The following FGF14 variants were observed in gnomAD, a reference collection of about 807,000 sequenced individuals.
The protein encoded by FGF14 is fibroblast growth factor homologous factor 4.
FGF14 carries 5 observed loss-of-function variants against 25.5 expected under a neutral mutation model. The observed-to-expected ratio is 0.20, with a 90% CI of 0.10 to 0.41. FGF14 has a LOEUF of 0.41. Ranked by LOEUF, FGF14 falls within the 10% of genes least tolerant of loss-of-function variation. The pLI, the probability that FGF14 is intolerant of heterozygous loss-of-function variation, is 1.00. For synonymous variants in FGF14, 138 were observed against 118.3 expected (o/e 1.17, Z -1.08); for missense variants, 222 against 320.1 (o/e 0.69, Z 2.34).
At chr13:101,743,691 A>G (rs1431094289) in intron 3 of FGF14, among the ~76,000 whole-genome samples, 3 of 152,186 alleles carry the variant, frequency 2.0e-5, no homozygotes, top group East Asian at 3.9e-4. Context: ...TGCTCTGTCT[A>G]TATTTAAGTT....
intron 3 of FGF14, among the ~76,000 whole-genome samples, chr13:101,749,744 G>A (rs9513942): frequency 0.51 from 76,710 of 151,752 alleles, 20,233 homozygotes; most frequent in Non-Finnish European, 0.58. Context: ...TTCTTCACAT[G>A]GACTTTGAAA....
chr13:102,369,571 C>G (rs1054724847), intron 1 of FGF14, among the ~76,000 whole-genome samples: 3 of 152,146 alleles, frequency 2.0e-5, no homozygotes, highest in Non-Finnish European at 4.4e-5. Context: ...CACTTTCTCC[C>G]TACCCTAAGG....
At position 102,161,617 on chromosome 13, in the gene FGF14, A is replaced by G. The variant is rs1346209614; in HGVS notation, c.208+239854T>C. On this transcript the variant is annotated intron_variant, in intron 1 of 4. Transcript: ENST00000376131. ...GAAGAAGAAGAAGAAGAAGAAGAAG[A>G]AGAAGAAGAAGAAGAAGAAGAAGAA... Among the ~76,000 whole-genome samples, 60 of 6,798 alleles carry G rather than the reference A, an allele frequency of 8.8e-3. 1 individual carries two copies. Among genetic ancestry groups the G allele is most frequent in the South Asian group, 0.022 (3 of 134 alleles). The allele number at this position is 6,798 out of a possible 152,430, so 4.5% of individuals were successfully genotyped here. A position where few individuals can be genotyped will look rare whatever the true frequency, so the allele number is the denominator to read the frequency against.
chr13:102,340,619 T>C (rs878863063), intron 1 of FGF14, among the ~76,000 whole-genome samples: 1 of 152,220 alleles, frequency 6.6e-6, no homozygotes, highest in Non-Finnish European at 1.5e-5. Flanking sequence ...TCTGAAACAA[T>C]AGCTCACAAC....
chr13:102,392,751 A>G (rs1024093958), intron 1 of FGF14, among the ~76,000 whole-genome samples: 1 of 152,154 alleles, frequency 6.6e-6, no homozygotes, highest in African/African-American at 2.4e-5. Context: ...ACTGGCCACT[A>G]AGATGGATGG....
rs543182204 is a variant in FGF14 at position 101,714,886 on chromosome 13, A to G, written c.*7945T>C. 6 of 267,454 alleles carry G rather than the reference A, an allele frequency of 2.2e-5. No homozygotes were observed. The highest frequency in any genetic ancestry group is 4.3e-5 in the Non-Finnish European group (6 of 140,962). The allele number at this position is 267,454 out of a possible 1,614,324, so 16.6% of individuals were successfully genotyped here. A position where few individuals can be genotyped will look rare whatever the true frequency, so the allele number is the denominator to read the frequency against. On this transcript the variant is annotated 3_prime_UTR_variant, in exon 5 of 5. Transcript: ENST00000376143. ...GCAACCATTTTACTTTGAACATGGT[A>G]TAGGGAATGAAATATTCTTTTAAAC...
intron 1 of FGF14, among the ~76,000 whole-genome samples, chr13:102,006,719 TCTTA>T (rs1407865332): frequency 6.6e-5 from 9 of 135,560 alleles, no homozygotes; most frequent in Non-Finnish European, 1.3e-4. Context: ...AGTCACAAAA[TCTTA>T]CTTCTTTTTT....
At chr13:101,873,817 G>A (rs2045245246) in intron 2 of FGF14, among the ~76,000 whole-genome samples, 1 of 152,030 alleles carries the variant, frequency 6.6e-6, no homozygotes, top group Admixed American at 6.6e-5. Context: ...TCTTTCTTCT[G>A]TAGCTGAATT....
At chr13:102,275,599 A>G (rs2053497373) in intron 1 of FGF14, among the ~76,000 whole-genome samples, 1 of 152,168 alleles carries the variant, frequency 6.6e-6, no homozygotes, top group East Asian at 1.9e-4. Flanking sequence ...GCTGAAATGG[A>G]TCCTTGCAAA....
chr13:102,256,483 G>C (rs1203323748), intron 1 of FGF14, among the ~76,000 whole-genome samples: 3 of 152,088 alleles, frequency 2.0e-5, no homozygotes, highest in Non-Finnish European at 2.9e-5. Context: ...GGGTGACAGA[G>C]CGAGACCCTG....
At chr13:102,380,960 A>G (rs1405655252) in intron 1 of FGF14, among the ~76,000 whole-genome samples, 1 of 152,188 alleles carries the variant, frequency 6.6e-6, no homozygotes, top group African/African-American at 2.4e-5. Context: ...AATCCATTTA[A>G]TACACCTAAC....
chr13:101,959,788 C>G (rs1017210797), intron 1 of FGF14, among the ~76,000 whole-genome samples: 1 of 152,196 alleles, frequency 6.6e-6, no homozygotes, highest in Admixed American at 6.5e-5. Context: ...CTTCTTCACT[C>G]GCTATAGAAG....
rs147388148 is a variant in FGF14, at chr13:101,960,284, G to T, written c.209-84988C>A. On this transcript the variant is annotated intron_variant, in intron 1 of 4. Transcript: ENST00000376131. ...TAAACATGTCCTATGGTGGTTTGCT[G>T]CACCTATAATCCATCACCTAGGTAT... is the stretch of plus-strand genomic sequence containing the variant. 5.4e-3 allele frequency among the ~76,000 whole-genome samples: 815 copies of T among 152,214 alleles called. 10 individuals are homozygous for T. The highest frequency in any genetic ancestry group is 0.018 in the African/African-American group (767 of 41,508).
chr13:101,805,835 A>T (rs2041164698), intron 3 of FGF14, among the ~76,000 whole-genome samples: 1 of 152,114 alleles, frequency 6.6e-6, no homozygotes, highest in Non-Finnish European at 1.5e-5. Flanking sequence ...CACTTCAATA[A>T]AAATATATCA....
At chr13:102,014,489 T>C (rs1437411154) in intron 1 of FGF14, among the ~76,000 whole-genome samples, 1 of 152,160 alleles carries the variant, frequency 6.6e-6, no homozygotes, top group East Asian at 1.9e-4. Context: ...CGCAAGTGCA[T>C]TGACTTGGAT....
chr13:102,270,667 A>T (rs954202571), intron 1 of FGF14, among the ~76,000 whole-genome samples: 2 of 152,138 alleles, frequency 1.3e-5, no homozygotes, highest in African/African-American at 2.4e-5. Context: ...ACATATAGAC[A>T]TATATATTGT....
chr13:102,194,328 A>T (rs1464499511), intron 1 of FGF14, among the ~76,000 whole-genome samples: 1 of 152,096 alleles, frequency 6.6e-6, no homozygotes, highest in Non-Finnish European at 1.5e-5. Context: ...CAGGTTTGTT[A>T]CACAGGTAAA....
At chr13:101,738,734 A>C (rs9513941) in intron 3 of FGF14, among the ~76,000 whole-genome samples, 1 of 151,766 alleles carries the variant, frequency 6.6e-6, no homozygotes, top group Non-Finnish European at 1.5e-5. Context: ...GAATTTTCAT[A>C]TTATATTATG....
chr13:102,135,017 C>CCACACACA (rs71125050), intron 1 of FGF14, among the ~76,000 whole-genome samples: 236 of 142,650 alleles, frequency 1.7e-3, no homozygotes, highest in African/African-American at 5.2e-3. Context: ...GACCCCGTGT[C>CCACACACA]CACACACACA....
Sources: allele counts gnomAD v4.1 joint callset (sites outside exome capture counted in the v4.1 genomes callset), GRCh38; gene constraint gnomAD v4.1.1; transcripts MANE v1.5; gene names NCBI Gene and HGNC (gene_info 2026-07-23, HGNC 2026-07-21).